Variants in PCDH7 observed in about 807,000 individuals in gnomAD.
The protein encoded by PCDH7 is protocadherin 7.
PCDH7 carries 17 observed loss-of-function variants against 58.9 expected under a neutral mutation model. That is an observed-to-expected ratio of 0.29 (90% CI 0.20 to 0.43). The LOEUF (loss-of-function observed/expected upper bound fraction) is 0.43, where lower values mean the gene tolerates loss of function less well. PCDH7 is among the 20% of genes least tolerant of loss of function. The pLI is 1.00. For synonymous variants in PCDH7, 664 were observed against 616.4 expected (o/e 1.08, Z -1.14); for missense variants, 1,274 against 1,441.0 (o/e 0.88, Z 1.88).
At chr4:30,790,816 A>G (rs924247215) in intron 1 of PCDH7, among the ~76,000 whole-genome samples, 2 of 151,988 alleles carry the variant, frequency 1.3e-5, no homozygotes, top group Non-Finnish European at 2.9e-5. Flanking sequence ...CCCAGCTCTC[A>G]GGAGGCTGAG....
chr4:30,795,788 G>C (rs1015796818), intron 1 of PCDH7, among the ~76,000 whole-genome samples: 2 of 152,068 alleles, frequency 1.3e-5, no homozygotes, highest in African/African-American at 4.8e-5. Context: ...GAATTGTTTA[G>C]AATATATAAA....
At chr4:30,737,692 G>T (rs1577597525), downstream of PCDH7, among the ~76,000 whole-genome samples, 1 of 152,146 alleles carries the variant, frequency 6.6e-6, no homozygotes, top group African/African-American at 2.4e-5. Flanking sequence ...TAGGCACTGG[G>T]TATTGTGAGA....
chr4:30,737,499 A>C (rs762537290), downstream of PCDH7, among the ~76,000 whole-genome samples: 1 of 151,826 alleles, frequency 6.6e-6, no homozygotes, highest in Non-Finnish European at 1.5e-5. Context: ...TGGGTGACAG[A>C]GGGAGATCCT....
At chr4:31,026,330 A>T (rs1406519182) in intron 3 of PCDH7, among the ~76,000 whole-genome samples, 1 of 152,148 alleles carries the variant, frequency 6.6e-6, no homozygotes, top group Non-Finnish European at 1.5e-5. Flanking sequence ...TAAACTTTGC[A>T]TTTTGATGTG....
chr4:30,770,817 G>A (rs1209382902), intron 1 of PCDH7, among the ~76,000 whole-genome samples: 2 of 152,052 alleles, frequency 1.3e-5, no homozygotes, highest in Non-Finnish European at 2.9e-5. Context: ...ACATTTTGAA[G>A]GGGAAAACAA....
At chr4:30,801,775 G>T (rs1725554066) in intron 1 of PCDH7, among the ~76,000 whole-genome samples, 3 of 152,162 alleles carry the variant, frequency 2.0e-5, no homozygotes, top group Admixed American at 2.0e-4. Context: ...GCTCCAGAGG[G>T]TAGAAGTAAA....
rs1438806128 is a variant in PCDH7, at chr4:30,961,986, TA to T, written c.*7+11772del. Among the ~76,000 whole-genome samples the T allele has an allele frequency of 2.6e-5, 4 of 152,224 alleles. No individual in the cohort carries two copies. The East Asian group carries it at 5.8e-4, about 22-fold the overall frequency. On this transcript the variant is annotated intron_variant, in intron 3 of 3. Transcript: ENST00000509759. Reference sequence around the variant, plus strand: ...CACTCATCTCTTAATTACAAAGTAATATTTTTTTCATTGTTGGTAATCTACT... The same window carrying T: ...CACTCATCTCTTAATTACAAAGTAATTTTTTTTCATTGTTGGTAATCTACT...
chr4:30,823,577 G>A (rs781746095), intron 1 of PCDH7, among the ~76,000 whole-genome samples: 1 of 151,982 alleles, frequency 6.6e-6, no homozygotes, highest in Non-Finnish European at 1.5e-5. Context: ...CAAATATGAT[G>A]CTACCTCGGC....
At chr4:30,967,709 A>C (rs1045023530) in intron 3 of PCDH7, among the ~76,000 whole-genome samples, 1 of 152,136 alleles carries the variant, frequency 6.6e-6, no homozygotes, top group Non-Finnish European at 1.5e-5. Context: ...TTCTGAGCCA[A>C]ATGTTTTGAG....
chr4:31,019,914 A>G (rs1753898907), intron 3 of PCDH7, among the ~76,000 whole-genome samples: 1 of 151,978 alleles, frequency 6.6e-6, no homozygotes, highest in Non-Finnish European at 1.5e-5. Flanking sequence ...TTGATGAGAG[A>G]AGCAAAGAAG....
chr4:31,023,577 T>C (rs1560583150), intron 3 of PCDH7, among the ~76,000 whole-genome samples: 1 of 152,172 alleles, frequency 6.6e-6, no homozygotes, highest in Non-Finnish European at 1.5e-5. Context: ...AAATAATATG[T>C]GTGTGCAGGT....
At chr4:30,867,475 T>A (rs1157370038) in intron 1 of PCDH7, among the ~76,000 whole-genome samples, 1 of 152,154 alleles carries the variant, frequency 6.6e-6, no homozygotes, top group Non-Finnish European at 1.5e-5. Flanking sequence ...TGAAAGCCTC[T>A]TTTAAGATGG....
chr4:30,982,435 C>G lies in PCDH7; in HGVS notation c.*7+32220C>G, dbSNP rs765318216. On this transcript the variant is annotated intron_variant, in intron 3 of 3. Transcript: ENST00000509759. ...ACTTTTCCTGGCTCGTATACTTATG[C>G]CCTATTTTTATTCTCTCAAGAAAAC... Among the ~76,000 whole-genome samples, 3 of 152,112 alleles carry G rather than the reference C, an allele frequency of 2.0e-5. No individual in the cohort carries two copies. In the South Asian group the frequency reaches 6.2e-4, roughly 32 times the overall value.
intron 2 of PCDH7, among the ~76,000 whole-genome samples, chr4:30,921,442 C>G (rs953888713): frequency 2.0e-5 from 3 of 151,950 alleles, no homozygotes; most frequent in South Asian, 4.2e-4. Context: ...GACTGATTTT[C>G]TTCTGTAAGT....
chr4:30,986,720 T>A (rs1224304978), intron 3 of PCDH7, among the ~76,000 whole-genome samples: 1 of 152,102 alleles, frequency 6.6e-6, no homozygotes, highest in Non-Finnish European at 1.5e-5. Flanking sequence ...CGGTGGCTCA[T>A]GCCTGTAATC....
At chr4:30,759,654 T>G (rs1719772164) in intron 1 of PCDH7, among the ~76,000 whole-genome samples, 1 of 152,132 alleles carries the variant, frequency 6.6e-6, no homozygotes, top group Admixed American at 6.5e-5. Context: ...TTCATTACAT[T>G]ATAAATAAAT....
chr4:30,857,213 A>C (rs1733583245), intron 1 of PCDH7, among the ~76,000 whole-genome samples: 1 of 152,108 alleles, frequency 6.6e-6, no homozygotes, highest in Non-Finnish European at 1.5e-5. Context: ...CCTTTCATTT[A>C]ATAGGCATAT....
At chr4:31,098,068 G>A (rs1293963913) in intron 3 of PCDH7, among the ~76,000 whole-genome samples, 1 of 152,126 alleles carries the variant, frequency 6.6e-6, no homozygotes, top group African/African-American at 2.4e-5. Flanking sequence ...GTATACTTCT[G>A]TTTAGGAAAC....
intron 1 of PCDH7, among the ~76,000 whole-genome samples, chr4:30,865,871 G>A (rs780580325): frequency 2.0e-5 from 3 of 151,944 alleles, no homozygotes; most frequent in South Asian, 4.1e-4. Context: ...CATTTGGCAC[G>A]GAAATCCTCA....
Sources: gnomAD v4.1 joint callset for allele counts (sites outside exome capture counted in the v4.1 genomes callset) on GRCh38, gnomAD v4.1.1 for gene constraint, MANE v1.5 for transcripts, NCBI Gene and HGNC (gene_info 2026-07-23, HGNC 2026-07-21) for gene names.